RRP15: variants seen among roughly 807,000 people sequenced by gnomAD.
RRP15 encodes the protein ribosomal RNA processing 15 homolog.
In RRP15, 18 loss-of-function variants were observed where a neutral mutation model predicts 27.1. That is an observed-to-expected ratio of 0.66 (90% CI 0.46 to 0.98). The LOEUF (loss-of-function observed/expected upper bound fraction) is 0.98, where lower values mean the gene tolerates loss of function less well. Ranked by LOEUF, RRP15 falls within the 50% of genes least tolerant of loss-of-function variation. The pLI is 0.00. For missense variants in RRP15, 359 were observed against 337.8 expected (o/e 1.06, Z -0.49); for synonymous variants, 107 against 109.4 (o/e 0.98, Z 0.14).
chr1:218,323,517 A>G (rs527387379), intron 4 of RRP15, among the ~76,000 whole-genome samples: 2 of 152,254 alleles, frequency 1.3e-5, no homozygotes, highest in African/African-American at 2.4e-5. Context: ...AAAGCACTAC[A>G]AGTTCCCACT....
rs1216867775 is a variant in RRP15 at position 218,328,243 on chromosome 1, C to T, written c.706-2705C>T. 2.6e-5 allele frequency among the ~76,000 whole-genome samples: 4 copies of T among 152,184 alleles called. No individual in the cohort carries two copies. In the East Asian group the frequency reaches 7.7e-4, roughly 29 times the overall value. On this transcript the variant is annotated intron_variant, in intron 4 of 4. Coordinates refer to ENST00000366932, the MANE Select transcript of RRP15 (RefSeq NM_016052.4). ...ACTTAGTCTGTTGTTGCTCTTCTTG[C>T]CTAAAATACATGTTTACAGCAATCA...
At chr1:218,304,790 A>G (rs892877502) in intron 2 of RRP15, among the ~76,000 whole-genome samples, 6 of 152,090 alleles carry the variant, frequency 3.9e-5, no homozygotes, top group African/African-American at 7.2e-5. Flanking sequence ...GCAGCTCTCC[A>G]GGCCCCTGCT....
intron 1 of RRP15, among the ~76,000 whole-genome samples, chr1:218,291,828 C>A (rs1355278450): frequency 6.6e-6 from 1 of 151,502 alleles, no homozygotes; most frequent in African/African-American, 2.4e-5. Flanking sequence ...CCGCGGCTGG[C>A]CCCCCACTCC....
intron 1 of RRP15, among the ~76,000 whole-genome samples, chr1:218,297,631 C>A (rs766864867): frequency 1.3e-5 from 2 of 152,078 alleles, no homozygotes; most frequent in African/African-American, 2.4e-5. Context: ...TCCTCAATCA[C>A]GTTTTTACCG....
chr1:218,306,680 A>C (rs1222217661), intron 3 of RRP15, among the ~76,000 whole-genome samples: 1 of 152,220 alleles, frequency 6.6e-6, no homozygotes, highest in African/African-American at 2.4e-5. Flanking sequence ...TGTGAGCTAC[A>C]TTCATTTGTA....
At chr1:218,318,696 C>T (rs763130387) in intron 4 of RRP15, among the ~76,000 whole-genome samples, 1 of 151,732 alleles carries the variant, frequency 6.6e-6, no homozygotes, top group Non-Finnish European at 1.5e-5. Context: ...CAGAATGTTT[C>T]GTGCTAGTGA....
chr1:218,286,173 A>G (rs1033813300), intron 1 of RRP15, among the ~76,000 whole-genome samples: 3 of 152,196 alleles, frequency 2.0e-5, no homozygotes, highest in African/African-American at 7.2e-5. Flanking sequence ...CTATTCTTTT[A>G]TAACGTATTT....
intron 1 of RRP15, among the ~76,000 whole-genome samples, chr1:218,295,750 A>G (rs1655708611): frequency 6.6e-6 from 1 of 152,208 alleles, no homozygotes; most frequent in Non-Finnish European, 1.5e-5. Flanking sequence ...AGCAATTTAT[A>G]AGACAGGCTC....
chr1:218,286,186 A>G (rs1655546101), intron 1 of RRP15, among the ~76,000 whole-genome samples: 1 of 152,142 alleles, frequency 6.6e-6, no homozygotes, highest in African/African-American at 2.4e-5. Flanking sequence ...ACGTATTTCT[A>G]ATTATGCCCG....
chr1:218,334,582 T>C lies in RRP15; in HGVS notation c.*3491T>C, dbSNP rs1656421906. ...TAATTTGTCAATACTTTATTGATAA[T>C]GTTAACTTTGTTTTTATTTGGAAAC... is the stretch of plus-strand genomic sequence containing the variant. On this transcript the variant is annotated 3_prime_UTR_variant, in exon 5 of 5. Coordinates refer to ENST00000366932, the MANE Select transcript of RRP15 (RefSeq NM_016052.4). The C allele has an allele frequency of 2.6e-5, 4 of 152,320 alleles. No homozygotes were observed. In the South Asian group the frequency reaches 6.2e-4, roughly 24 times the overall value. The allele number at this position is 152,320 out of a possible 1,614,324, so 9.4% of individuals were successfully genotyped here.
intron 4 of RRP15, among the ~76,000 whole-genome samples, chr1:218,320,136 T>C (rs1485733432): frequency 1.3e-5 from 2 of 151,930 alleles, no homozygotes; most frequent in Non-Finnish European, 2.9e-5. Flanking sequence ...TGTATACATG[T>C]GCCACGCTGG....
chr1:218,324,538 A>G (rs779956547), intron 4 of RRP15, among the ~76,000 whole-genome samples: 14 of 152,248 alleles, frequency 9.2e-5, no homozygotes, highest in Non-Finnish European at 1.5e-4. Flanking sequence ...TCCCTGCTGC[A>G]ACTGGTGTGA....
intron 4 of RRP15, among the ~76,000 whole-genome samples, chr1:218,329,236 A>G (rs1041400473): frequency 2.4e-5 from 2 of 83,222 alleles, no homozygotes; most frequent in Non-Finnish European, 4.4e-5. Flanking sequence ...CCCTGTCTCT[A>G]CAAAAAAAAA....
chr1:218,287,142 CTTTT>C (rs1214536139), intron 1 of RRP15, among the ~76,000 whole-genome samples: 1 of 111,408 alleles, frequency 9.0e-6, no homozygotes. Flanking sequence ...TTTTTTTTTT[CTTTT>C]TTTTTTTTTT....
intron 1 of RRP15, among the ~76,000 whole-genome samples, chr1:218,300,831 C>T (rs1482128880): frequency 6.6e-6 from 1 of 152,154 alleles, no homozygotes; most frequent in Non-Finnish European, 1.5e-5. Flanking sequence ...CCAGAGCAGC[C>T]TCACTGAAAT....
At chr1:218,322,981 G>T (rs868183428) in intron 4 of RRP15, among the ~76,000 whole-genome samples, 16 of 152,214 alleles carry the variant, frequency 1.1e-4, no homozygotes, top group Admixed American at 5.9e-4. Flanking sequence ...AATGGCATGG[G>T]CGCCGGCTAC....
Position 218,307,380 on chromosome 1 carries a change from A to G in RRP15, c.504-51A>G, listed in dbSNP as rs368422564. The G allele has an allele frequency of 2.6e-5, 39 of 1,489,972 alleles. No individual in the cohort carries two copies. In the African/African-American group the frequency reaches 4.5e-4, roughly 17 times the overall value. The allele number at this position is 1,489,972 out of a possible 1,614,324, so 92.3% of individuals were successfully genotyped here. On this transcript the variant is annotated intron_variant, in intron 3 of 4. Coordinates refer to ENST00000366932, the MANE Select transcript of RRP15 (RefSeq NM_016052.4). The stretch of plus-strand genomic sequence containing the variant: ...CATTTTTCCTATCCTCAGAGTTTGT[A>G]TTCTAGGGTAATTATTTAATACATC...
At chr1:218,314,726 C>T (rs925164240) in intron 4 of RRP15, among the ~76,000 whole-genome samples, 2 of 151,928 alleles carry the variant, frequency 1.3e-5, no homozygotes, top group Non-Finnish European at 2.9e-5. Flanking sequence ...GACATGGTGG[C>T]TCACATCTGT....
intron 4 of RRP15, among the ~76,000 whole-genome samples, chr1:218,313,692 C>T (rs1241615715): frequency 6.6e-6 from 1 of 152,128 alleles, no homozygotes; most frequent in East Asian, 1.9e-4. Flanking sequence ...CTGGGGCAGG[C>T]ACTAATGAGT....
Sources: allele counts gnomAD v4.1 joint callset (sites outside exome capture counted in the v4.1 genomes callset), GRCh38; gene constraint gnomAD v4.1.1; transcripts MANE v1.5; gene names NCBI Gene and HGNC (gene_info 2026-07-23, HGNC 2026-07-21).